UBE4B: variants seen among roughly 807,000 people sequenced by gnomAD.
The protein encoded by UBE4B is ubiquitin conjugation factor E4 B.
In UBE4B, 27 loss-of-function variants were observed where a neutral mutation model predicts 148.1. That is an observed-to-expected ratio of 0.18 (90% CI 0.13 to 0.25). UBE4B has a LOEUF of 0.25. Ranked by LOEUF, UBE4B falls within the 10% of genes least tolerant of loss-of-function variation. The pLI is 1.00. For synonymous variants in UBE4B, 596 were observed against 619.3 expected (o/e 0.96, Z 0.56); for missense variants, 1,170 against 1,662.4 (o/e 0.70, Z 5.15).
rs776821025 is a variant in UBE4B at position 10,033,593 on chromosome 1, C to T, written c.-78C>T. ...GACCAGACAGCCTGATAGACACCTT[C>T]CACTCTCCTTCCTCCCGCCGTGGTC... On this transcript the variant is annotated 5_prime_UTR_variant, in exon 1 of 28. Transcript: ENST00000343090. The T allele has an allele frequency of 1.2e-5, 17 of 1,435,918 alleles. No homozygotes were observed. In the South Asian group the frequency reaches 2.4e-4, roughly 20 times the overall value. 88.9% of individuals were successfully genotyped at this position (1,435,918 alleles called of 1,614,324 possible). A position where few individuals can be genotyped will look rare whatever the true frequency, so the allele number is the denominator to read the frequency against.
At chr1:10,052,742 G>A (rs1461582480) in intron 1 of UBE4B, among the ~76,000 whole-genome samples, 1 of 152,160 alleles carries the variant, frequency 6.6e-6, no homozygotes, top group Admixed American at 6.5e-5. Context: ...CTGTGTGGGT[G>A]GATATATGCC....
chr1:10,041,161 CCT>C (rs1570762608), intron 1 of UBE4B, among the ~76,000 whole-genome samples: 1 of 151,936 alleles, frequency 6.6e-6, no homozygotes, highest in Admixed American at 6.6e-5. Context: ...ATCCTTATCC[CCT>C]GTTTTACAGA....
In UBE4B at chr1:10,147,079, C is replaced by T. The variant is rs748337796; in HGVS notation, c.2580C>T (p.Pro860=). 1.1e-5 allele frequency: 17 copies of T among 1,614,018 alleles called. No individual in the cohort carries two copies. The highest frequency in any genetic ancestry group is 5.5e-5 in the South Asian group (5 of 91,090). ...LIQLLLRILD[P]AYPDITLPLN... ...AGCTGCTGCTCCGCATCCTGGACCC[C>T]GCATATCCCGAGTGAGTGTGCTTCT... is the stretch of plus-strand genomic sequence containing the variant. Residue 860 remains proline (P), a synonymous_variant, in exon 19 of 28, where the codon CCC becomes CCT. Coordinates refer to ENST00000343090, the MANE Select transcript of UBE4B (RefSeq NM_001105562.3).
Position 10,119,533 on chromosome 1 carries a change from C to A in UBE4B, c.1359C>A (p.Val453=). ...KAPKMCSQPA[V]SQLLSNIRSQ... Reference sequence around the variant, plus strand: ...TTCAGATGTGCAGCCAGCCAGCAGTCAGCCAGCTTCTGAGCAACATCCGCT... The same window carrying A: ...TTCAGATGTGCAGCCAGCCAGCAGTAAGCCAGCTTCTGAGCAACATCCGCT... The change falls in exon 9 of 28, where the codon GTC becomes GTA. Residue 453 remains valine (V), a synonymous_variant. Coordinates refer to ENST00000343090, the MANE Select transcript of UBE4B (RefSeq NM_001105562.3). 1 of 1,613,766 alleles carries A rather than the reference C, an allele frequency of 6.2e-7. No individual in the cohort carries two copies. The highest frequency in any genetic ancestry group is 1.1e-5 in the South Asian group (1 of 91,050).
intron 23 of UBE4B, among the ~76,000 whole-genome samples, chr1:10,167,081 G>A (rs561426927): frequency 6.6e-6 from 1 of 151,628 alleles, no homozygotes; most frequent in South Asian, 2.1e-4. Flanking sequence ...ACAGTGAGCC[G>A]AGATTGTGCC....
chr1:10,114,873 GAC>G (rs1645281645), intron 7 of UBE4B, among the ~76,000 whole-genome samples: 1 of 151,988 alleles, frequency 6.6e-6, no homozygotes, highest in Non-Finnish European at 1.5e-5. Context: ...CAAAAAAAAA[GAC>G]ACAATAATTA....
chr1:10,180,056 A>G lies in UBE4B; in HGVS notation c.*100A>G. 6.5e-7 allele frequency: 1 copy of G among 1,533,520 alleles called. No individual in the cohort carries two copies. 95.0% of individuals were successfully genotyped at this position (1,533,520 alleles called of 1,614,324 possible). A position where few individuals can be genotyped will look rare whatever the true frequency, so the allele number is the denominator to read the frequency against. Reference sequence around the variant, plus strand: ...GCTGCCGTTCATGTGTTGGAGGCCAAATGTGGCAAACCAACCCCAGGCCCA... The same window carrying G: ...GCTGCCGTTCATGTGTTGGAGGCCAGATGTGGCAAACCAACCCCAGGCCCA... On this transcript the variant is annotated 3_prime_UTR_variant, in exon 28 of 28. Transcript: ENST00000343090.
intron 7 of UBE4B, among the ~76,000 whole-genome samples, chr1:10,115,164 CT>C (rs5772396): frequency 0.083 from 11,341 of 136,982 alleles, 733 homozygotes; most frequent in African/African-American, 0.19. Flanking sequence ...TAATACCATA[CT>C]TTTTTTTTTT....
chr1:10,048,279 C>T (rs954738564), intron 1 of UBE4B, among the ~76,000 whole-genome samples: 1 of 152,086 alleles, frequency 6.6e-6, no homozygotes. Flanking sequence ...GGGAGGGAGA[C>T]GTTATCATCT....
chr1:10,062,122 A>T (rs1300441443), intron 1 of UBE4B, among the ~76,000 whole-genome samples: 9 of 151,156 alleles, frequency 6.0e-5, no homozygotes, highest in African/African-American at 2.2e-4. Context: ...GTTGGCCAGG[A>T]TGGTCTCGAT....
intron 21 of UBE4B, among the ~76,000 whole-genome samples, chr1:10,155,776 ACTTTGGGAGTC>A (rs1280963849): frequency 2.6e-5 from 4 of 152,256 alleles, no homozygotes; most frequent in Admixed American, 6.5e-5. Context: ...TAATCCTAGC[ACTTTGGGAGTC>A]CGAGACAGGT....
intron 1 of UBE4B, among the ~76,000 whole-genome samples, chr1:10,063,966 T>G (rs1644337192): frequency 6.6e-6 from 1 of 152,076 alleles, no homozygotes; most frequent in Non-Finnish European, 1.5e-5. Flanking sequence ...CTTAAATCCT[T>G]CAAAAGATGT....
At chr1:10,179,716 G>C (rs1290599692) in intron 27 of UBE4B, among the ~76,000 whole-genome samples, 154 bp downstream of exon 27, 1 of 152,040 alleles carries the variant, frequency 6.6e-6, no homozygotes, top group African/African-American at 2.4e-5. Context: ...AAACACTCTT[G>C]GCCCTTTTTC....
intron 5 of UBE4B, among the ~76,000 whole-genome samples, chr1:10,104,073 T>C (rs1355495437): frequency 2.6e-5 from 4 of 152,302 alleles, no homozygotes; most frequent in East Asian, 1.9e-4. Flanking sequence ...CCTCCTCTTA[T>C]GAAGTATAGA....
Position 10,130,544 on chromosome 1 carries a change from C to A in UBE4B, c.1740C>A (p.Gly580=). 1 of 1,614,172 alleles carries A rather than the reference C, an allele frequency of 6.2e-7. No individual in the cohort carries two copies. Among genetic ancestry groups the A allele is most frequent in the South Asian group, 1.1e-5 (1 of 91,088 alleles). The change falls in exon 13 of 28, where the codon GGC becomes GGA. Residue 580 remains glycine (G), a synonymous_variant. Transcript: ENST00000343090. ...RLWLPKSLSP[G]CGRELQRLSY... is the part of the protein sequence containing the mutation. ...GGTTGCCGAAATCCTTAAGTCCTGG[C>A]TGTGGGCGGGAGCTGCAGAGACTCT... is the stretch of plus-strand genomic sequence containing the variant.
At position 10,161,924 on chromosome 1, in the gene UBE4B, T is replaced by A. The variant is rs1273219352; in HGVS notation, c.3198+638T>A. Among the ~76,000 whole-genome samples, 1 of 152,180 alleles carries A rather than the reference T, an allele frequency of 6.6e-6. No homozygotes were observed. Among genetic ancestry groups the A allele is most frequent in the African/African-American group, 2.4e-5 (1 of 41,446 alleles). On this transcript the variant is annotated intron_variant, in intron 23 of 27. Transcript: ENST00000343090. This position sits in a 1 kb window ranked among gnomAD's most constrained non-coding sequence, Gnocchi z 4.1. ...TTTATTGATTCTGTTCTTGGAATTG[T>A]CAGGCTCAGAATCAGAACTGATTTC...
intron 18 of UBE4B, among the ~76,000 whole-genome samples, chr1:10,146,425 C>T (rs995437277): frequency 1.7e-4 from 26 of 152,186 alleles, no homozygotes; most frequent in African/African-American, 6.3e-4. Flanking sequence ...GCACTTCAGC[C>T]TGGGCAACAG....
chr1:10,146,728 A>T (rs1262889026), intron 18 of UBE4B, among the ~76,000 whole-genome samples: 1 of 151,412 alleles, frequency 6.6e-6, no homozygotes, highest in South Asian at 2.1e-4. Context: ...CAACATTTTG[A>T]GCTTTAACTG....
Position 10,174,784 on chromosome 1 carries a change from A to G in UBE4B, c.3525+3455A>G, listed in dbSNP as rs560421331. Among the ~76,000 whole-genome samples, 4 of 150,994 alleles carry G rather than the reference A, an allele frequency of 2.6e-5. No homozygotes were observed. In the East Asian group the frequency reaches 5.8e-4, roughly 22 times the overall value. ...TGATTGTTGGGTATTTTCTATTTAT[A>G]TTGGCCATAAGCTGATTAGGGGCCT... On this transcript the variant is annotated intron_variant, in intron 25 of 27. Coordinates refer to ENST00000343090, the MANE Select transcript of UBE4B (RefSeq NM_001105562.3).
Sources: gnomAD v4.1 joint callset for allele counts (sites outside exome capture counted in the v4.1 genomes callset) on GRCh38, gnomAD v4.1.1 for gene constraint, Gnocchi (gnomAD v3.1) non-coding constraint, MANE v1.5 for transcripts, NCBI Gene and HGNC (gene_info 2026-07-23, HGNC 2026-07-21) for gene names.